Variants in RNF180 observed in about 807,000 individuals in gnomAD.
RNF180 encodes ring finger protein 180.
In RNF180, 38 loss-of-function variants were observed where a neutral mutation model predicts 59.2. The ratio of observed to expected loss-of-function variants is 0.64; its 90% CI spans 0.50 to 0.84. The LOEUF is 0.84. Among genes scored for constraint, RNF180 ranks in the 40% least tolerant of loss-of-function variants. The pLI is 0.00. For synonymous variants in RNF180, 262 were observed against 240.3 expected (o/e 1.09, Z -0.84); for missense variants, 705 against 700.9 (o/e 1.01, Z -0.07).
At chr5:64,365,078 T>C (rs1275726728) in intron 7 of RNF180, among the ~76,000 whole-genome samples, 2 of 151,662 alleles carry the variant, frequency 1.3e-5, no homozygotes, top group African/African-American at 4.8e-5. Flanking sequence ...AGCTTTGATA[T>C]TGATTATTTC....
chr5:64,233,713 A>G (rs1742235687), intron 5 of RNF180, among the ~76,000 whole-genome samples: 1 of 152,190 alleles, frequency 6.6e-6, no homozygotes, highest in African/African-American at 2.4e-5. Flanking sequence ...GGCCCTAACA[A>G]ACTTGCTTTC....
At chr5:64,250,418 G>T (rs1305135945) in intron 5 of RNF180, among the ~76,000 whole-genome samples, 1 of 151,502 alleles carries the variant, frequency 6.6e-6, no homozygotes, top group Non-Finnish European at 1.5e-5. Flanking sequence ...AATAATATCA[G>T]GGCAGAAATC....
chr5:64,186,533 C>T (rs187079271), intron 1 of RNF180, among the ~76,000 whole-genome samples: 2 of 151,934 alleles, frequency 1.3e-5, no homozygotes, highest in Non-Finnish European at 2.9e-5. Context: ...CCCCTCTCAC[C>T]CTCTCATATG....
At chr5:64,210,039 A>G (rs2112099287) in intron 2 of RNF180, among the ~76,000 whole-genome samples, 1 of 152,230 alleles carries the variant, frequency 6.6e-6, no homozygotes, top group East Asian at 1.9e-4. Flanking sequence ...GTTATTGTAA[A>G]TTAATCACTA....
intron 1 of RNF180, among the ~76,000 whole-genome samples, chr5:64,189,998 C>T (rs1561176420): frequency 1.3e-5 from 2 of 152,188 alleles, no homozygotes; most frequent in African/African-American, 4.8e-5. Context: ...GCCCAGAGCA[C>T]ACAGACTCAC....
At chr5:64,365,799 C>A (rs1283192341) in intron 7 of RNF180, among the ~76,000 whole-genome samples, 1 of 151,494 alleles carries the variant, frequency 6.6e-6, no homozygotes, top group East Asian at 1.9e-4. Flanking sequence ...GCAACCCCTG[C>A]TTTTTTATGC....
intron 2 of RNF180, among the ~76,000 whole-genome samples, chr5:64,211,583 C>G (rs1752315025): frequency 1.3e-5 from 2 of 152,074 alleles, no homozygotes; most frequent in African/African-American, 4.8e-5. Context: ...GCCAAGGAGG[C>G]CTGTTTTGGG....
At chr5:64,268,685 A>G (rs1013682707) in intron 5 of RNF180, among the ~76,000 whole-genome samples, 2 of 152,148 alleles carry the variant, frequency 1.3e-5, no homozygotes, top group South Asian at 4.1e-4. Context: ...AGGCATTCTA[A>G]TTTCCTTCAA....
chr5:64,272,114 G>A (rs192816800), intron 5 of RNF180, among the ~76,000 whole-genome samples: 2 of 152,172 alleles, frequency 1.3e-5, no homozygotes. Context: ...AGAGCTTAAG[G>A]TCTAGTGAGA....
intron 5 of RNF180, among the ~76,000 whole-genome samples, chr5:64,293,094 A>G (rs1742692754): frequency 6.6e-6 from 1 of 152,094 alleles, no homozygotes; most frequent in South Asian, 2.1e-4. Context: ...GGAATTCCAA[A>G]CCAGTGGGTC....
At chr5:64,346,359 CTTTT>C (rs1162054033) in intron 7 of RNF180, among the ~76,000 whole-genome samples, 829 of 42,778 alleles carry the variant, frequency 0.019, 1 homozygote, top group Non-Finnish European at 0.029. Flanking sequence ...TTCTTTTCTT[CTTTT>C]TTTTTTTTTT....
intron 2 of RNF180, among the ~76,000 whole-genome samples, chr5:64,208,375 T>G (rs1031620789): frequency 2.6e-5 from 4 of 152,056 alleles, no homozygotes; most frequent in Non-Finnish European, 5.9e-5. Flanking sequence ...CAGTCAAATT[T>G]TTCCCGAGGA....
chr5:64,203,780 G>A (rs957349564), intron 2 of RNF180, among the ~76,000 whole-genome samples: 1 of 152,138 alleles, frequency 6.6e-6, no homozygotes, highest in East Asian at 1.9e-4. Context: ...TAATGTTAAT[G>A]TTAAATTGCT....
At chr5:64,355,478 C>A (rs921472296) in intron 7 of RNF180, among the ~76,000 whole-genome samples, 2 of 151,902 alleles carry the variant, frequency 1.3e-5, no homozygotes, top group Non-Finnish European at 2.9e-5. Context: ...GTTAAGATAT[C>A]AGTACTGCCC....
intron 7 of RNF180, among the ~76,000 whole-genome samples, chr5:64,357,721 C>G (rs1285059537): frequency 1.3e-5 from 2 of 151,734 alleles, no homozygotes; most frequent in Non-Finnish European, 2.9e-5. Context: ...GATAGTTTTT[C>G]TATCTCTGAA....
At chr5:64,168,664 A>G (rs1025781397) in intron 1 of RNF180, among the ~76,000 whole-genome samples, 4 of 152,190 alleles carry the variant, frequency 2.6e-5, no homozygotes, top group Non-Finnish European at 4.4e-5. Flanking sequence ...AAATCTTTGT[A>G]ACAATTTTGA....
intron 5 of RNF180, among the ~76,000 whole-genome samples, chr5:64,237,621 G>C (rs939329805): frequency 6.6e-6 from 1 of 152,086 alleles, no homozygotes; most frequent in Non-Finnish European, 1.5e-5. Context: ...TTTGGGAAGG[G>C]CCAGAGGCAG....
At chr5:64,318,849 AAAC>A (rs1263037158) in intron 5 of RNF180, among the ~76,000 whole-genome samples, 1 of 152,180 alleles carries the variant, frequency 6.6e-6, no homozygotes, top group East Asian at 1.9e-4. Flanking sequence ...GCCCAAGAAA[AAAC>A]AAACTGATAT....
At chr5:64,232,723 A>G (rs1042779759) in intron 5 of RNF180, among the ~76,000 whole-genome samples, 1 of 152,238 alleles carries the variant, frequency 6.6e-6, no homozygotes, top group Non-Finnish European at 1.5e-5. Context: ...AATGATAGAT[A>G]ATAACAGCAG....
Sources: allele counts gnomAD v4.1 joint callset (sites outside exome capture counted in the v4.1 genomes callset), GRCh38; gene constraint gnomAD v4.1.1; transcripts MANE v1.5; gene names NCBI Gene and HGNC (gene_info 2026-07-23, HGNC 2026-07-21).